AKAP19: variants seen among roughly 807,000 people sequenced by gnomAD.
The protein encoded by AKAP19 is A-kinase anchoring protein 19, also known as small A-kinase anchoring protein.
chr2:189,950,353 T>G, the AKAP19 span, among the ~76,000 whole-genome samples: 1 of 151,048 alleles, frequency 6.6e-6, no homozygotes, highest in Admixed American at 6.6e-5. Flanking sequence ...TTTTGTTTTT[T>G]TTTTTAAGGT....
the AKAP19 span, among the ~76,000 whole-genome samples, chr2:189,957,164 A>C: frequency 6.6e-6 from 1 of 151,948 alleles, no homozygotes. Flanking sequence ...ACAGAGGGGG[A>C]CTCCATCTCA....
At chr2:190,005,814 T>C in the AKAP19 span, among the ~76,000 whole-genome samples, 6 of 152,206 alleles carry the variant, frequency 3.9e-5, no homozygotes, top group South Asian at 2.1e-4. Flanking sequence ...TCTATTAAAA[T>C]ATTTTTCAGT....
chr2:189,957,453 C>G, the AKAP19 span, among the ~76,000 whole-genome samples: 1 of 152,164 alleles, frequency 6.6e-6, no homozygotes, highest in Non-Finnish European at 1.5e-5. Flanking sequence ...TTTCAGAAAT[C>G]TATGCCTTTT....
chr2:190,180,928 C>T, the AKAP19 span: 3 of 985,294 alleles, frequency 3.0e-6, no homozygotes, highest in Non-Finnish European at 3.6e-6. The surrounding 1 kb of genome is among the most constrained non-coding windows in gnomAD (Gnocchi z 6.8). Flanking sequence ...GGCAGCTGGA[C>T]TGCACTTTGC....
chr2:190,123,514 T>C, the AKAP19 span, among the ~76,000 whole-genome samples: 2 of 152,234 alleles, frequency 1.3e-5, no homozygotes, highest in Non-Finnish European at 1.5e-5. Flanking sequence ...TTTTAAATTC[T>C]TTCTCCACTT....
At chr2:190,180,354 G>C in the AKAP19 span, 1 of 614,322 alleles carries the variant, frequency 1.6e-6, no homozygotes, top group South Asian at 7.1e-5. The surrounding 1 kb of genome is among the most constrained non-coding windows in gnomAD (Gnocchi z 6.8). Flanking sequence ...TTGTCCCAAG[G>C]CAGGCCCCGC....
the AKAP19 span, among the ~76,000 whole-genome samples, chr2:190,076,957 T>C: frequency 6.6e-6 from 1 of 152,188 alleles, no homozygotes; most frequent in Non-Finnish European, 1.5e-5. Context: ...AATATTACTG[T>C]TCAGTCTCTT....
the AKAP19 span, among the ~76,000 whole-genome samples, chr2:190,116,676 C>T: frequency 1.3e-5 from 2 of 152,170 alleles, no homozygotes; most frequent in African/African-American, 4.8e-5. Flanking sequence ...CTGAGCATGG[C>T]TCTGGGTTTT....
At chr2:190,200,071 T>G in the AKAP19 span, 3 of 1,614,098 alleles carry the variant, frequency 1.9e-6, no homozygotes, top group Non-Finnish European at 2.5e-6. Context: ...GGATATCTTG[T>G]GTGATGCCTT....
At chr2:189,973,344 A>G in the AKAP19 span, among the ~76,000 whole-genome samples, 3 of 152,174 alleles carry the variant, frequency 2.0e-5, no homozygotes, top group Admixed American at 2.0e-4. Context: ...CCACTTGATC[A>G]TGGTGGATAA....
chr2:190,100,348 T>C, the AKAP19 span, among the ~76,000 whole-genome samples: 1 of 152,144 alleles, frequency 6.6e-6, no homozygotes, highest in South Asian at 2.1e-4. Flanking sequence ...TAAAAAGGGA[T>C]CCAATTCGTT....
the AKAP19 span, among the ~76,000 whole-genome samples, chr2:189,989,895 C>A: frequency 6.6e-6 from 1 of 152,014 alleles, no homozygotes; most frequent in African/African-American, 2.4e-5. Flanking sequence ...TCTGAGTTCA[C>A]GGATTGGAAG....
At chr2:189,909,947 ATTTC>A in the AKAP19 span, among the ~76,000 whole-genome samples, 1 of 151,800 alleles carries the variant, frequency 6.6e-6, no homozygotes, top group Non-Finnish European at 1.5e-5. Context: ...TATAAAACTG[ATTTC>A]TTTAACACAG....
At chr2:190,170,255 C>T in the AKAP19 span, among the ~76,000 whole-genome samples, 1 of 152,196 alleles carries the variant, frequency 6.6e-6, no homozygotes, top group Non-Finnish European at 1.5e-5. Flanking sequence ...TAAATATGAT[C>T]ACATTGGGGA....
the AKAP19 span, among the ~76,000 whole-genome samples, chr2:189,929,634 C>T: frequency 6.6e-6 from 1 of 151,860 alleles, no homozygotes; most frequent in Non-Finnish European, 1.5e-5. Context: ...TTCTGCATTT[C>T]CTGACTGCAA....
At chr2:190,160,359 A>G in the AKAP19 span, among the ~76,000 whole-genome samples, 1 of 152,062 alleles carries the variant, frequency 6.6e-6, no homozygotes, top group Non-Finnish European at 1.5e-5. Flanking sequence ...AACCATGGTC[A>G]TAGTAATATT....
the AKAP19 span, among the ~76,000 whole-genome samples, chr2:189,893,995 C>T: frequency 6.6e-6 from 1 of 152,228 alleles, no homozygotes; most frequent in Non-Finnish European, 1.5e-5. Context: ...CATCTATCTG[C>T]ATACATTATA....
the AKAP19 span, among the ~76,000 whole-genome samples, chr2:189,994,256 C>T: frequency 1.1e-4 from 16 of 151,980 alleles, no homozygotes; most frequent in Non-Finnish European, 1.5e-4. Context: ...AGGTGATCCA[C>T]CTCCCTCGGC....
the AKAP19 span, among the ~76,000 whole-genome samples, chr2:189,912,598 T>C: frequency 6.6e-6 from 1 of 152,136 alleles, no homozygotes; most frequent in East Asian, 1.9e-4. Flanking sequence ...TATAGTAATT[T>C]ATGAAGGCCA....
Sources: gnomAD v4.1 joint callset for allele counts (sites outside exome capture counted in the v4.1 genomes callset) on GRCh38, gnomAD v4.1.1 for gene constraint, Gnocchi (gnomAD v3.1) non-coding constraint, MANE v1.5 for transcripts, NCBI Gene and HGNC (gene_info 2026-07-23, HGNC 2026-07-21) for gene names.